The following PEA15 variants were observed in gnomAD, a reference collection of about 807,000 sequenced individuals.
PEA15 encodes proliferation and apoptosis adaptor protein 15.
For synonymous variants in PEA15, 60 were observed against 61.8 expected (o/e 0.97, Z 0.13); for missense variants, 77 against 161.3 (o/e 0.48, Z 2.83).
At chr1:160,206,549 A>G (rs1289659501) in intron 1 of PEA15, among the ~76,000 whole-genome samples, 4 of 151,972 alleles carry the variant, frequency 2.6e-5, no homozygotes, top group African/African-American at 9.7e-5. Context: ...GGGATGGAGG[A>G]GGAGGGGGTG....
chr1:160,210,005 C>G (rs57424552), intron 1 of PEA15, among the ~76,000 whole-genome samples: 8 of 152,324 alleles, frequency 5.3e-5, no homozygotes, highest in Non-Finnish European at 1.0e-4. Flanking sequence ...CTGTTTCTTG[C>G]GGGGGTCATG....
rs1301673345 is a variant in PEA15, at chr1:160,208,763, C to T, written c.-2-2780C>T. 11 of 1,082,440 alleles carry T rather than the reference C, an allele frequency of 1.0e-5. No homozygotes were observed. The highest frequency in any genetic ancestry group is 1.5e-5 in the Non-Finnish European group (11 of 728,524). The allele number at this position is 1,082,440 out of a possible 1,614,324, so 67.1% of individuals were successfully genotyped here. A position where few individuals can be genotyped will look rare whatever the true frequency, so the allele number is the denominator to read the frequency against. ...TAAGGCCTAGGCAAATGGATCTCTC[C>T]AAGAAGGGAGGCAACTGGGCTGCCT... On this transcript the variant is annotated intron_variant, in intron 1 of 3. Transcript: ENST00000360472. The surrounding 1 kb of genome is among the most constrained non-coding windows in gnomAD (Gnocchi z 4.1).
At position 160,213,835 on chromosome 1, in the gene PEA15, G is replaced by GA. The variant is rs1453915891; in HGVS notation, c.*352dup. 2 of 267,878 alleles carry GA rather than the reference G, an allele frequency of 7.5e-6. No homozygotes were observed. Among genetic ancestry groups the GA allele is most frequent in the African/African-American group, 4.4e-5 (2 of 45,786 alleles). The allele number at this position is 267,878 out of a possible 1,614,324, so 16.6% of individuals were successfully genotyped here. ...CCCATATCTTTAAAGTGTGGAAGCA[G>GA]AAAGGACCTGCATTTTCCTACATTG... On this transcript the variant is annotated 3_prime_UTR_variant, in exon 4 of 4. Coordinates refer to ENST00000360472, the MANE Select transcript of PEA15 (RefSeq NM_003768.5). This position sits in a 1 kb window ranked among gnomAD's most constrained non-coding sequence, Gnocchi z 5.3.
chr1:160,213,629 C>T lies in PEA15; in HGVS notation c.*143C>T, dbSNP rs1047285046. The T allele has an allele frequency of 6.2e-5, 26 of 421,998 alleles. No homozygotes were observed. The highest frequency in any genetic ancestry group is 1.4e-4 in the East Asian group (2 of 14,068). The allele number at this position is 421,998 out of a possible 1,614,324, so 26.1% of individuals were successfully genotyped here. The stretch of plus-strand genomic sequence containing the variant: ...CCCCCTTACTGTGCGCGTGTGTGTG[C>T]GTGTGCGCACGCTCTGGCTGTTTGT... On this transcript the variant is annotated 3_prime_UTR_variant, in exon 4 of 4. Coordinates refer to ENST00000360472, the MANE Select transcript of PEA15 (RefSeq NM_003768.5). The surrounding 1 kb of genome is among the most constrained non-coding windows in gnomAD (Gnocchi z 5.3).
chr1:160,211,669 G>T lies in PEA15; in HGVS notation c.125G>T (p.Gly42Val). ...GAAAAGAGTGAGGAGATCACTACTG[G>T]CAGTGCCTGGTTTAGCTTCCTGGAG... ...PSEKSEEITT[G>V]SAWFSFLESH... Residue 42 changes from glycine (G) to valine (V), a missense_variant, in exon 2 of 4, where the codon GGC (glycine) becomes GTC (valine). Physicochemically the swap from Gly to Val is moderately radical, Grantham distance 109 (BLOSUM62 -3). Coordinates refer to ENST00000360472, the MANE Select transcript of PEA15 (RefSeq NM_003768.5). 1 of 1,614,012 alleles carries T rather than the reference G, an allele frequency of 6.2e-7. No homozygotes were observed. The highest frequency in any genetic ancestry group is 8.5e-7 in the Non-Finnish European group (1 of 1,179,956).
At chr1:160,207,804 A>G (rs1654665476) in intron 1 of PEA15, among the ~76,000 whole-genome samples, 1 of 152,194 alleles carries the variant, frequency 6.6e-6, no homozygotes, top group Non-Finnish European at 1.5e-5. Flanking sequence ...TTAAAATAGG[A>G]AAGCTGGACC....
chr1:160,211,356 C>T (rs1019166373), intron 1 of PEA15, 187 bp from the exon 2 acceptor site: 3 of 1,271,458 alleles, frequency 2.4e-6, no homozygotes, highest in Non-Finnish European at 1.0e-6. Flanking sequence ...CTCCTAGCTT[C>T]CCGTCTACCC....
At chr1:160,209,596 T>C (rs1351256220) in intron 1 of PEA15, among the ~76,000 whole-genome samples, 1 of 152,028 alleles carries the variant, frequency 6.6e-6, no homozygotes, top group Non-Finnish European at 1.5e-5. Flanking sequence ...AAACTCTCCT[T>C]CCATATGAAA....
At chr1:160,207,696 C>T (rs12094501) in intron 1 of PEA15, among the ~76,000 whole-genome samples, 10,915 of 152,176 alleles carry the variant, frequency 0.072, 1,348 homozygotes, top group African/African-American at 0.25. Flanking sequence ...CCTCCTCCCC[C>T]ACAAAGCTGG....
chr1:160,207,609 C>T (rs1405001559), intron 1 of PEA15, among the ~76,000 whole-genome samples: 2 of 152,168 alleles, frequency 1.3e-5, no homozygotes, highest in Non-Finnish European at 2.9e-5. Context: ...CCCAGATGTC[C>T]TGCCTCTCGT....
rs1039136486 is a variant in PEA15 at position 160,208,606 on chromosome 1, T to G, written c.-2-2937T>G. The G allele has an allele frequency of 6.4e-7, 1 of 1,550,430 alleles. No individual in the cohort carries two copies. The highest frequency in any genetic ancestry group is 2.0e-5 in the Admixed American group (1 of 51,008). On this transcript the variant is annotated intron_variant, in intron 1 of 3. Coordinates refer to ENST00000360472, the MANE Select transcript of PEA15 (RefSeq NM_003768.5). The surrounding 1 kb of genome is among the most constrained non-coding windows in gnomAD (Gnocchi z 4.1). ...TGAATCTCTGGTGAGGAAAGTGACATGGAGGATGAAGGAAACAAGCTCTGC... is the reference window on the plus strand; with the variant it reads ...TGAATCTCTGGTGAGGAAAGTGACAGGGAGGATGAAGGAAACAAGCTCTGC...
chr1:160,206,609 C>A (rs1006841802), intron 1 of PEA15, among the ~76,000 whole-genome samples: 3 of 151,976 alleles, frequency 2.0e-5, no homozygotes, highest in Non-Finnish European at 4.4e-5. Context: ...AAGAATGGAA[C>A]CCAAGTCAGA....
chr1:160,211,325 T>C (rs1243074289), intron 1 of PEA15: 4 of 1,241,944 alleles, frequency 3.2e-6, no homozygotes, highest in Non-Finnish European at 3.0e-6. Flanking sequence ...GTATGACTTG[T>C]CACTCTAGGC....
At position 160,213,387 on chromosome 1, in the gene PEA15, C is replaced by T. The variant is rs1391693836; in HGVS notation, c.329-35C>T. ...ATGGGCCTGCCTGGCATCTCCCACA[C>T]TGCTGTCCCTGGACACATACCTTTT... On this transcript the variant is annotated intron_variant, in intron 3 of 3. Coordinates refer to ENST00000360472, the MANE Select transcript of PEA15 (RefSeq NM_003768.5). The surrounding 1 kb of genome is among the most constrained non-coding windows in gnomAD (Gnocchi z 5.3). 2 of 1,612,954 alleles carry T rather than the reference C, an allele frequency of 1.2e-6. No homozygotes were observed. The highest frequency in any genetic ancestry group is 1.3e-5 in the African/African-American group (1 of 74,904).
At position 160,205,401 on chromosome 1, in the gene PEA15, AGGC is replaced by A. The variant is rs1424228104; in HGVS notation, c.-111_-109del. 48 of 182,408 alleles carry A rather than the reference AGGC, an allele frequency of 2.6e-4. No individual in the cohort carries two copies. The highest frequency in any genetic ancestry group is 7.0e-4 in the South Asian group (6 of 8,568). The allele number at this position is 182,408 out of a possible 1,614,324, so 11.3% of individuals were successfully genotyped here. On this transcript the variant is annotated 5_prime_UTR_variant, in exon 1 of 4. Coordinates refer to ENST00000360472, the MANE Select transcript of PEA15 (RefSeq NM_003768.5). The surrounding 1 kb of genome is among the most constrained non-coding windows in gnomAD (Gnocchi z 5.9). ...CGGGCTCCGGCTCCGCGGGCGGAAG[AGGC>A]GGCGGCGGCGGCAGAAGCGGCGGCG...
rs149742435 is a variant in PEA15 at position 160,207,665 on chromosome 1, T to A, written c.-3+2143T>A. On this transcript the variant is annotated intron_variant, in intron 1 of 3. Coordinates refer to ENST00000360472, the MANE Select transcript of PEA15 (RefSeq NM_003768.5). Reference sequence around the variant, plus strand: ...AGCCTCAGAACCCTCAATTTCCTTGTTACAGGAGTAAAGACAACCCCCTCC... The same window carrying A: ...AGCCTCAGAACCCTCAATTTCCTTGATACAGGAGTAAAGACAACCCCCTCC... 4.2e-3 allele frequency among the ~76,000 whole-genome samples: 641 copies of A among 152,244 alleles called. 2 individuals are homozygous for A. Among genetic ancestry groups the A allele is most frequent in the Middle Eastern group, 6.8e-3 (2 of 294 alleles).
intron 1 of PEA15, chr1:160,207,154 T>G (rs1654634638): frequency 2.0e-5 from 3 of 152,608 alleles, no homozygotes. Context: ...CCTTCCTAAT[T>G]GCAGCTCCGA....
chr1:160,208,775 C>T lies in PEA15; in HGVS notation c.-2-2768C>T. The T allele has an allele frequency of 1.1e-6, 1 of 930,178 alleles. No homozygotes were observed. Among genetic ancestry groups the T allele is most frequent in the Non-Finnish European group, 1.7e-6 (1 of 595,854 alleles). The allele number at this position is 930,178 out of a possible 1,614,324, so 57.6% of individuals were successfully genotyped here. A position where few individuals can be genotyped will look rare whatever the true frequency, so the allele number is the denominator to read the frequency against. ...AAATGGATCTCTCCAAGAAGGGAGG[C>T]AACTGGGCTGCCTTTCCTTGTACCG... On this transcript the variant is annotated intron_variant, in intron 1 of 3. Transcript: ENST00000360472. The surrounding 1 kb of genome is among the most constrained non-coding windows in gnomAD (Gnocchi z 4.1).
chr1:160,213,357 G>C lies in PEA15; in HGVS notation c.329-65G>C, dbSNP rs368503705. On this transcript the variant is annotated intron_variant, in intron 3 of 3. Transcript: ENST00000360472. The surrounding 1 kb of genome is among the most constrained non-coding windows in gnomAD (Gnocchi z 5.3). ...GAGTTTTGGGAGAGTGGAGGCAGAT[G>C]CCCAATGGGCCTGCCTGGCATCTCC... is the stretch of plus-strand genomic sequence containing the variant. The C allele has an allele frequency of 6.2e-7, 1 of 1,606,444 alleles. No homozygotes were observed. Among genetic ancestry groups the C allele is most frequent in the Non-Finnish European group, 8.5e-7 (1 of 1,173,000 alleles).
Sources: allele counts gnomAD v4.1 joint callset (sites outside exome capture counted in the v4.1 genomes callset), GRCh38; gene constraint gnomAD v4.1.1; non-coding constraint Gnocchi (gnomAD v3.1); transcripts MANE v1.5; gene names NCBI Gene and HGNC (gene_info 2026-07-23, HGNC 2026-07-21).